The following MTREX variants were observed in gnomAD, a reference collection of about 807,000 sequenced individuals.
MTREX encodes Mtr4 exosome RNA helicase.
Under a neutral mutation model 135.4 loss-of-function variants are expected in MTREX, and 76 were observed. The ratio of observed to expected loss-of-function variants is 0.56; its 90% confidence interval spans 0.47 to 0.68. MTREX has a LOEUF of 0.68. Ranked by LOEUF, MTREX falls within the 30% of genes least tolerant of loss-of-function variation. The probability of loss-of-function intolerance (pLI) is 0.00; values close to 1 mark genes in which losing one functional copy is unlikely to be tolerated. For synonymous variants in MTREX, 404 were observed against 401.6 expected (o/e 1.01, Z -0.07); for missense variants, 920 against 1,262.1 (o/e 0.73, Z 4.11).
chr5:55,311,777 T>A (rs1749117008), intron 1 of MTREX, among the ~76,000 whole-genome samples: 4 of 152,232 alleles, frequency 2.6e-5, no homozygotes, highest in Admixed American at 2.0e-4. Flanking sequence ...TTTAATTTGG[T>A]TATAATTGAA....
At chr5:55,375,913 C>T (rs1287529078) in intron 16 of MTREX, among the ~76,000 whole-genome samples, 1 of 152,208 alleles carries the variant, frequency 6.6e-6, no homozygotes, top group Non-Finnish European at 1.5e-5. Context: ...CGCAACATCT[C>T]TCCCTTTCTT....
chr5:55,410,167 C>G lies in MTREX; in HGVS notation c.2646-357C>G, dbSNP rs1207725965. Among the ~76,000 whole-genome samples, 4 of 152,242 alleles carry G rather than the reference C, an allele frequency of 2.6e-5. No homozygotes were observed. The South Asian group carries it at 8.3e-4, about 32-fold the overall frequency. On this transcript the variant is annotated intron_variant, in intron 22 of 26. Coordinates refer to ENST00000230640, the MANE Select transcript of MTREX (RefSeq NM_015360.5). ...ATTGTTTTTCATTATCTTTATTCTA[C>G]AGATTATTTGTAAAATAACTGAAAA...
chr5:55,314,784 G>GT (rs1230474170), intron 1 of MTREX, among the ~76,000 whole-genome samples: 2 of 152,224 alleles, frequency 1.3e-5, no homozygotes, highest in African/African-American at 4.8e-5. Context: ...CAGACCAGCA[G>GT]TAGGGGGATG....
chr5:55,368,303 T>G (rs1750136810), intron 16 of MTREX, among the ~76,000 whole-genome samples: 1 of 151,976 alleles, frequency 6.6e-6, no homozygotes, highest in East Asian at 1.9e-4. Flanking sequence ...ACAAAAAAAT[T>G]AGCCGGGCAT....
At chr5:55,321,883 C>T (rs749178930) in intron 1 of MTREX, among the ~76,000 whole-genome samples, 2 of 152,064 alleles carry the variant, frequency 1.3e-5, no homozygotes, top group East Asian at 1.9e-4. Context: ...GCTTGGATTA[C>T]GGGTATGAGC....
chr5:55,364,253 A>G (rs1451784610), intron 15 of MTREX, among the ~76,000 whole-genome samples: 2 of 152,218 alleles, frequency 1.3e-5, no homozygotes, highest in Non-Finnish European at 2.9e-5. Flanking sequence ...GATGAGAGAC[A>G]TAAGCTTATT....
chr5:55,365,341 C>G (rs1261908513), intron 15 of MTREX, among the ~76,000 whole-genome samples: 3 of 152,104 alleles, frequency 2.0e-5, no homozygotes, highest in African/African-American at 7.2e-5. Flanking sequence ...GGGTAAAGAT[C>G]AAGGTTTTAG....
At chr5:55,315,229 T>C (rs960596386) in intron 1 of MTREX, among the ~76,000 whole-genome samples, 3 of 152,238 alleles carry the variant, frequency 2.0e-5, no homozygotes. Flanking sequence ...AAAAAATTGA[T>C]AGTTGGTCCT....
At position 55,414,254 on chromosome 5, in the gene MTREX, T is replaced by G. The variant is rs2111619638; in HGVS notation, c.2808+16T>G. ...TCAAATGCAGGTAAGGTTTTTTTTTTTTTTTTTTGAACTACATATTTTATG... is the reference window on the plus strand; with the variant it reads ...TCAAATGCAGGTAAGGTTTTTTTTTGTTTTTTTTGAACTACATATTTTATG... On this transcript the variant is annotated intron_variant, in intron 24 of 26. Coordinates refer to ENST00000230640, the MANE Select transcript of MTREX (RefSeq NM_015360.5). 6.4e-7 allele frequency: 1 copy of G among 1,560,260 alleles called. No homozygotes were observed. Among genetic ancestry groups the G allele is most frequent in the South Asian group, 1.2e-5 (1 of 81,154 alleles).
At chr5:55,422,268 G>A (rs967012126) in intron 25 of MTREX, among the ~76,000 whole-genome samples, 8 of 152,122 alleles carry the variant, frequency 5.3e-5, no homozygotes, top group Non-Finnish European at 1.2e-4. Flanking sequence ...ACAGATTCTA[G>A]ACCCATGGGA....
intron 25 of MTREX, among the ~76,000 whole-genome samples, chr5:55,422,189 C>G (rs888276798): frequency 1.3e-5 from 2 of 152,162 alleles, no homozygotes; most frequent in Admixed American, 6.5e-5. Context: ...CTCTGCTCCT[C>G]TTTGCACAAG....
chr5:55,421,673 A>C (rs1432532255), intron 25 of MTREX, among the ~76,000 whole-genome samples: 1 of 152,192 alleles, frequency 6.6e-6, no homozygotes, highest in Non-Finnish European at 1.5e-5. Context: ...TACACATTTG[A>C]AGTCAGTCAA....
chr5:55,420,872 G>C (rs1751044168), intron 25 of MTREX, among the ~76,000 whole-genome samples: 1 of 152,168 alleles, frequency 6.6e-6, no homozygotes, highest in South Asian at 2.1e-4. Context: ...CTGTCTCCAT[G>C]TGAGTTCTTC....
chr5:55,315,538 C>T (rs1180537536), intron 1 of MTREX, among the ~76,000 whole-genome samples: 1 of 151,696 alleles, frequency 6.6e-6, no homozygotes, highest in Non-Finnish European at 1.5e-5. Flanking sequence ...TTTTTCGAGA[C>T]AGACAACAAC....
chr5:55,376,321 A>C (rs1750299760), intron 16 of MTREX, among the ~76,000 whole-genome samples: 1 of 152,268 alleles, frequency 6.6e-6, no homozygotes, highest in Admixed American at 6.5e-5. Context: ...CTGCATTTGC[A>C]TGCGACGTTC....
At chr5:55,343,810 G>A (rs1349822357) in intron 8 of MTREX, among the ~76,000 whole-genome samples, 1 of 152,094 alleles carries the variant, frequency 6.6e-6, no homozygotes, top group Non-Finnish European at 1.5e-5. Flanking sequence ...TAATGCCTTG[G>A]TGCCAGGAAA....
chr5:55,373,030 TA>T (rs1455109555), intron 16 of MTREX, among the ~76,000 whole-genome samples: 1 of 151,716 alleles, frequency 6.6e-6, no homozygotes. Flanking sequence ...GCCTTAGAAA[TA>T]GGCCTTAGAA....
chr5:55,339,721 T>G (rs1227899266), intron 5 of MTREX, among the ~76,000 whole-genome samples: 1 of 152,234 alleles, frequency 6.6e-6, no homozygotes, highest in Admixed American at 6.5e-5. Flanking sequence ...GAAGCCCGTC[T>G]TAGAACCAAA....
intron 22 of MTREX, among the ~76,000 whole-genome samples, chr5:55,407,892 TGTAA>T (rs1237052355): frequency 3.9e-5 from 6 of 152,158 alleles, no homozygotes; most frequent in Non-Finnish European, 8.8e-5. Context: ...AACCTGGGAC[TGTAA>T]GTGTGTGCCA....
Sources: gnomAD v4.1 joint callset for allele counts (sites outside exome capture counted in the v4.1 genomes callset) on GRCh38, gnomAD v4.1.1 for gene constraint, MANE v1.5 for transcripts, NCBI Gene and HGNC (gene_info 2026-07-23, HGNC 2026-07-21) for gene names.